ITIH6: variants seen among roughly 807,000 people sequenced by gnomAD.
ITIH6 encodes inter-alpha-trypsin inhibitor heavy chain family member 6, also known as inter-alpha-trypsin inhibitor heavy chain H6.
ITIH6 carries 60 observed loss-of-function variants against 58.2 expected under a neutral mutation model. The observed-to-expected ratio is 1.03, with a 90% CI of 0.84 to 1.28. The LOEUF is 1.28. ITIH6 is among the 50% of genes most tolerant of loss of function. ITIH6 has a pLI of 0.00. For missense variants in ITIH6, 1,290 were observed against 1,021.1 expected (o/e 1.26, Z -3.59); for synonymous variants, 493 against 417.4 (o/e 1.18, Z -2.21).
chrX:54,752,681 T>C (rs1928389767), intron 11 of ITIH6, among the ~76,000 whole-genome samples: 1 of 112,293 alleles, frequency 8.9e-6, no homozygotes, highest in South Asian at 3.7e-4. Context: ...CCAAAACCAT[T>C]GCACCCAGAT....
rs375393223 is a variant in ITIH6 at position 54,751,095 on chromosome X, C to T, written c.3638G>A (p.Arg1213His). The T allele has an allele frequency of 2.9e-5, 35 of 1,203,258 alleles. No homozygotes were observed. The highest frequency in any genetic ancestry group is 8.9e-5 in the East Asian group (3 of 33,569). ...TTGCAGGGTACTGGGATGCCTGTAG[C>T]GGTGTCGGAGGACTAGGAACTCAAG... ...PYLEFLVLRH[R>H]YRHPSTLQLP... Residue 1213 changes from arginine (R) to histidine (H), a missense_variant, in exon 12 of 13, where the codon CGC (arginine) becomes CAC (histidine). By Grantham distance (29) the Arg-to-His change is conservative (BLOSUM62 0). Coordinates refer to ENST00000218436, the MANE Select transcript of ITIH6 (RefSeq NM_198510.3).
intron 6 of ITIH6, among the ~76,000 whole-genome samples, chrX:54,773,493 A>G (rs903823179): frequency 1.8e-5 from 2 of 111,324 alleles, no homozygotes; most frequent in African/African-American, 6.5e-5. Flanking sequence ...AAAAAGCTCC[A>G]GGGTATTATG....
chrX:54,774,130 A>G lies in ITIH6; in HGVS notation c.854T>C (p.Val285Ala), dbSNP rs199528045. 2.5e-6 allele frequency: 3 copies of G among 1,196,787 alleles called. No homozygotes were observed. The highest frequency in any genetic ancestry group is 3.4e-6 in the Non-Finnish European group (3 of 886,593). ...GGAGCTGCTTACGTCAATAACAAAA[A>G]CCACATTCTTCTCCATAGGTGGAAG... ...RGLPPMEKNVVFVIDVSSSMF... is the reference protein window; with the variant it reads ...RGLPPMEKNVAFVIDVSSSMF... Residue 285 changes from valine (V) to alanine (A), a missense_variant, in exon 6 of 13, where the codon GTT becomes GCT. By Grantham distance (64) the Val-to-Ala change is moderately conservative. Coordinates refer to ENST00000218436, the MANE Select transcript of ITIH6 (RefSeq NM_198510.3).
intron 5 of ITIH6, among the ~76,000 whole-genome samples, chrX:54,785,227 G>C (rs1929221428): frequency 9.1e-6 from 1 of 109,691 alleles, no homozygotes; most frequent in South Asian, 4.0e-4. Context: ...CGGGGAGATG[G>C]GGGGTGGGGA....
chrX:54,780,685 T>A (rs1339216711), intron 5 of ITIH6, among the ~76,000 whole-genome samples: 5 of 109,679 alleles, frequency 4.6e-5, no homozygotes, highest in Non-Finnish European at 9.5e-5. Context: ...AATAAAGAAA[T>A]TGAAGTGACG....
rs138819686 is a variant in ITIH6, at chrX:54,762,708, C to T, written c.904-2781G>A. 3.5e-3 allele frequency among the ~76,000 whole-genome samples: 392 copies of T among 112,166 alleles called. 2 individuals carry two copies. Among genetic ancestry groups the T allele is most frequent in the African/African-American group, 0.012 (363 of 30,901 alleles). Reference sequence around the variant, plus strand: ...CCCAGTCTGTTAACTGACTGTTTTACATGAAATATTTTTACTTTCTATCCA... The same window carrying T: ...CCCAGTCTGTTAACTGACTGTTTTATATGAAATATTTTTACTTTCTATCCA... On this transcript the variant is annotated intron_variant, in intron 6 of 12. Coordinates refer to ENST00000218436, the MANE Select transcript of ITIH6 (RefSeq NM_198510.3).
intron 5 of ITIH6, among the ~76,000 whole-genome samples, chrX:54,778,068 A>C (rs757990886): frequency 1.8e-5 from 2 of 112,268 alleles, no homozygotes; most frequent in South Asian, 7.3e-4. Context: ...GAGATAACAC[A>C]GAGAAGGCAT....
intron 4 of ITIH6, 57 bp from the exon 5 acceptor site, chrX:54,788,706 A>C: frequency 9.9e-7 from 1 of 1,010,482 alleles, no homozygotes. Flanking sequence ...AAGACAGAAG[A>C]ACCAGGGAAA....
At chrX:54,796,740 T>C (rs1418490990) in intron 2 of ITIH6, among the ~76,000 whole-genome samples, 1 of 110,338 alleles carries the variant, frequency 9.1e-6, no homozygotes, top group Non-Finnish European at 1.9e-5. Flanking sequence ...TTTATCCCCA[T>C]TTTGTAGATA....
chrX:54,759,054 C>CAATGGGGGT, intron 7 of ITIH6, 56 bp from the exon 8 acceptor site: 3 of 865,386 alleles, frequency 3.5e-6, no homozygotes, highest in African/African-American at 2.0e-5. Context: ...ACCCCCATTG[C>CAATGGGGGT]AGACACACTG....
intron 8 of ITIH6, among the ~76,000 whole-genome samples, chrX:54,756,328 T>C (rs1353631934): frequency 9.0e-6 from 1 of 111,526 alleles, no homozygotes; most frequent in East Asian, 2.8e-4. Context: ...TCTGACTAGC[T>C]GTGTGACATT....
At position 54,791,037 on chromosome X, in the gene ITIH6, C is replaced by T; in HGVS notation, c.416G>A (p.Gly139Asp). Residue 139 changes from glycine to aspartate, a missense_variant, in exon 4 of 13, where the codon GGC (glycine) becomes GAC (aspartate). By Grantham distance (94) the Gly-to-Asp change is moderately conservative (BLOSUM62 -1). Coordinates refer to ENST00000218436, the MANE Select transcript of ITIH6 (RefSeq NM_198510.3). ...GGCCAGGGAAAAAGTCACCTCTGTG[C>T]CTGCTGCCAGGCTGGTGGAGATGCG... is the stretch of plus-strand genomic sequence containing the variant. ...KFRISTSLAA[G>D]TEVTFSLAYE... 8.3e-7 allele frequency: 1 copy of T among 1,211,405 alleles called. No individual in the cohort carries two copies. Among genetic ancestry groups the T allele is most frequent in the Non-Finnish European group, 1.1e-6 (1 of 895,117 alleles).
At chrX:54,792,136 A>G (rs961105928) in intron 2 of ITIH6, 100 bp from the exon 3 acceptor site, 1 of 540,805 alleles carries the variant, frequency 1.8e-6, no homozygotes, top group African/African-American at 2.3e-5. Context: ...AGGAGGGTAG[A>G]GATAGGGAAA....
At position 54,757,458 on chromosome X, in the gene ITIH6, G is replaced by A; in HGVS notation, c.2616C>T (p.Ser872=). The A allele has an allele frequency of 8.3e-7, 1 of 1,210,907 alleles. No homozygotes were observed. Among genetic ancestry groups the A allele is most frequent in the Non-Finnish European group, 1.1e-6 (1 of 894,955 alleles). ...TATGGGGGTTTGGGGTCTCAGGCTT[G>A]GAAAGTGATATGCTTGTGGAAATTT... is the stretch of plus-strand genomic sequence containing the variant. ...PHQISTSISL[S]KPETPNPHMP... Residue 872 remains serine, a synonymous_variant, in exon 8 of 13, where the codon TCC becomes TCT. Coordinates refer to ENST00000218436, the MANE Select transcript of ITIH6 (RefSeq NM_198510.3).
chrX:54,776,602 GC>G (rs1929058134), intron 5 of ITIH6, among the ~76,000 whole-genome samples: 1 of 110,722 alleles, frequency 9.0e-6, no homozygotes, highest in African/African-American at 3.3e-5. Context: ...TTGTATACCA[GC>G]TCAGCTGCAG....
chrX:54,763,251 G>T (rs1928691710), intron 6 of ITIH6, among the ~76,000 whole-genome samples: 1 of 111,560 alleles, frequency 9.0e-6, no homozygotes, highest in Non-Finnish European at 1.9e-5. Context: ...CATAGGGAGA[G>T]CTCTGGGGAT....
At chrX:54,789,642 C>G (rs907405562) in intron 4 of ITIH6, among the ~76,000 whole-genome samples, 2 of 112,718 alleles carry the variant, frequency 1.8e-5, no homozygotes, top group African/African-American at 6.4e-5. Flanking sequence ...TGTCCCTGGA[C>G]AAGCGACTCA....
intron 6 of ITIH6, among the ~76,000 whole-genome samples, chrX:54,761,281 G>T (rs1371728163): frequency 9.0e-6 from 1 of 111,590 alleles, no homozygotes; most frequent in Non-Finnish European, 1.9e-5. Context: ...TTTTTGATGG[G>T]GTTGTTCTTT....
At chrX:54,782,337 A>T (rs1203685541) in intron 5 of ITIH6, among the ~76,000 whole-genome samples, 1 of 111,451 alleles carries the variant, frequency 9.0e-6, no homozygotes, top group Non-Finnish European at 1.9e-5. Flanking sequence ...AATCGCTTGA[A>T]CGCAGGAGAC....
Sources: gnomAD v4.1 joint callset for allele counts (sites outside exome capture counted in the v4.1 genomes callset) on GRCh38, gnomAD v4.1.1 for gene constraint, MANE v1.5 for transcripts, NCBI Gene and HGNC (gene_info 2026-07-23, HGNC 2026-07-21) for gene names.